APBA1: variants seen among roughly 807,000 people sequenced by gnomAD.
APBA1 encodes amyloid beta precursor protein binding family A member 1.
Under a neutral mutation model 86.6 loss-of-function variants are expected in APBA1, and 55 were observed. The observed-to-expected ratio is 0.64, with a 90% CI of 0.51 to 0.80. The LOEUF (loss-of-function observed/expected upper bound fraction) is 0.80. Among genes scored for constraint, APBA1 ranks in the 30% least tolerant of loss-of-function variants. APBA1 has a pLI of 0.00. For synonymous variants in APBA1, 511 were observed against 493.9 expected (o/e 1.03, Z -0.46); for missense variants, 1,090 against 1,183.0 (o/e 0.92, Z 1.15).
At chr9:69,446,976 CA>C (rs748877241) in intron 10 of APBA1, among the ~76,000 whole-genome samples, 3 of 152,236 alleles carry the variant, frequency 2.0e-5, no homozygotes, top group Non-Finnish European at 4.4e-5. Flanking sequence ...TTATAAACAA[CA>C]GGCATTTATC....
intron 1 of APBA1, among the ~76,000 whole-genome samples, chr9:69,648,373 C>T (rs897991362): frequency 1.3e-5 from 2 of 152,190 alleles, no homozygotes; most frequent in Non-Finnish European, 2.9e-5. Flanking sequence ...AAGTAACTTT[C>T]CCATTGAATC....
chr9:69,481,592 A>C (rs1835509590), intron 2 of APBA1, among the ~76,000 whole-genome samples: 1 of 118,952 alleles, frequency 8.4e-6, no homozygotes, highest in South Asian at 2.8e-4. Context: ...GCTACCAATG[A>C]CTTTCTTCAC....
At chr9:69,572,232 CT>C (rs1477025610) in intron 1 of APBA1, among the ~76,000 whole-genome samples, 1 of 152,182 alleles carries the variant, frequency 6.6e-6, no homozygotes, top group Non-Finnish European at 1.5e-5. Context: ...TCCTGATGCT[CT>C]CCCAACGTGT....
At chr9:69,589,162 C>G (rs922729981) in intron 1 of APBA1, among the ~76,000 whole-genome samples, 9 of 152,106 alleles carry the variant, frequency 5.9e-5, no homozygotes, top group African/African-American at 2.2e-4. Context: ...TACCATGTTG[C>G]CCAGGCTGGT....
intron 4 of APBA1, among the ~76,000 whole-genome samples, chr9:69,469,926 A>C (rs1310939266): frequency 6.6e-6 from 1 of 152,230 alleles, no homozygotes; most frequent in Non-Finnish European, 1.5e-5. Context: ...TTAAAAGAAA[A>C]CAAAAATTAA....
chr9:69,616,819 A>G (rs1394614881), intron 1 of APBA1, among the ~76,000 whole-genome samples: 2 of 152,186 alleles, frequency 1.3e-5, no homozygotes, highest in Non-Finnish European at 2.9e-5. Context: ...CTGATCAGCA[A>G]TGCTTCTGGA....
intron 1 of APBA1, among the ~76,000 whole-genome samples, chr9:69,536,704 TAAA>T (rs71356116): frequency 2.1e-4 from 12 of 55,956 alleles, no homozygotes; most frequent in Non-Finnish European, 2.4e-4. Context: ...CCATCTCTAC[TAAA>T]AAAAAAAAAA....
chr9:69,450,742 A>G (rs548982001), intron 9 of APBA1, among the ~76,000 whole-genome samples: 35 of 152,280 alleles, frequency 2.3e-4, no homozygotes, highest in African/African-American at 7.5e-4. Flanking sequence ...CCAATTTTAA[A>G]TGAGGTGATT....
chr9:69,642,443 C>T (rs1308591967), intron 1 of APBA1, among the ~76,000 whole-genome samples: 3 of 152,116 alleles, frequency 2.0e-5, no homozygotes, highest in Non-Finnish European at 2.9e-5. Flanking sequence ...ACTAAAAAGC[C>T]TGAAAATTCC....
chr9:69,580,656 C>T (rs1003913794), intron 1 of APBA1, among the ~76,000 whole-genome samples: 2 of 152,088 alleles, frequency 1.3e-5, no homozygotes, highest in Admixed American at 1.3e-4. Context: ...TTATTTTTTG[C>T]TGTAGGAAAC....
intron 2 of APBA1, among the ~76,000 whole-genome samples, chr9:69,497,043 T>C (rs749558344): frequency 1.4e-4 from 22 of 152,230 alleles, no homozygotes; most frequent in East Asian, 5.8e-4. Context: ...TGGAAAGTTA[T>C]AGAAAGCATC....
chr9:69,487,648 T>A (rs978946430), intron 2 of APBA1, among the ~76,000 whole-genome samples: 1 of 151,984 alleles, frequency 6.6e-6, no homozygotes, highest in Admixed American at 6.5e-5. Flanking sequence ...AACGGGTTAG[T>A]TATCGTGAGA....
intron 10 of APBA1, 70 bp from the exon 11 acceptor site, chr9:69,441,185 C>G (rs532120443): frequency 1.3e-6 from 2 of 1,542,186 alleles, no homozygotes; most frequent in South Asian, 2.4e-5. Context: ...AAGCAGGCAG[C>G]ACCAAAGGCA....
At chr9:69,542,530 G>A (rs1472651484) in intron 1 of APBA1, among the ~76,000 whole-genome samples, 1 of 152,134 alleles carries the variant, frequency 6.6e-6, no homozygotes, top group Non-Finnish European at 1.5e-5. Context: ...ACCTATCGAA[G>A]GACATCTTGG....
intron 12 of APBA1, among the ~76,000 whole-genome samples, chr9:69,432,114 A>C (rs369835821): frequency 6.6e-6 from 1 of 152,270 alleles, no homozygotes; most frequent in East Asian, 1.9e-4. Context: ...GACAGTAATG[A>C]CACGTCATGC....
At chr9:69,496,399 A>G (rs1287452391) in intron 2 of APBA1, among the ~76,000 whole-genome samples, 1 of 152,100 alleles carries the variant, frequency 6.6e-6, no homozygotes, top group Non-Finnish European at 1.5e-5. Flanking sequence ...GTAGAAAAAA[A>G]GAGACACAAA....
chr9:69,515,228 C>A (rs530164823), intron 2 of APBA1, among the ~76,000 whole-genome samples: 5 of 152,240 alleles, frequency 3.3e-5, no homozygotes, highest in African/African-American at 1.2e-4. Context: ...AGACGCAGAC[C>A]CTCCACATTC....
chr9:69,448,697 C>T (rs967183446), intron 10 of APBA1, among the ~76,000 whole-genome samples: 3 of 151,946 alleles, frequency 2.0e-5, no homozygotes, highest in African/African-American at 7.3e-5. Context: ...CATGCACATA[C>T]GCACACAGCT....
chr9:69,590,582 C>A (rs1360573800), intron 1 of APBA1, among the ~76,000 whole-genome samples: 1 of 152,176 alleles, frequency 6.6e-6, no homozygotes, highest in East Asian at 1.9e-4. Context: ...AAGGCCTTCA[C>A]CATTAATCAC....
Sources: allele counts gnomAD v4.1 joint callset (sites outside exome capture counted in the v4.1 genomes callset), GRCh38; gene constraint gnomAD v4.1.1; transcripts MANE v1.5; gene names NCBI Gene and HGNC (gene_info 2026-07-23, HGNC 2026-07-21).